Variants in MYH1 observed in about 807,000 individuals in gnomAD.
The protein encoded by MYH1 is myosin-1.
MYH1 carries 214 observed loss-of-function variants against 225.6 expected under a neutral mutation model. That is an observed-to-expected ratio of 0.95 (90% CI 0.85 to 1.06). The LOEUF (loss-of-function observed/expected upper bound fraction) is 1.06. MYH1 is among the 50% of genes least tolerant of loss of function. MYH1 has a pLI of 0.00. For missense variants in MYH1, 2,098 were observed against 2,344.2 expected (o/e 0.89, Z 2.17); for synonymous variants, 774 against 842.3 (o/e 0.92, Z 1.40).
chr17:10,501,503 G>C lies in MYH1; in HGVS notation c.3349-4C>G, dbSNP rs1947898167. ...CCTCCAGCTCCTCAATGCGGGCCTG[G>C]GAATGGTGAAAAATATTAATACGAA... On this transcript the variant is annotated splice_polypyrimidine_tract_variant and splice_region_variant and intron_variant, in intron 26 of 39. Coordinates refer to ENST00000226207, the MANE Select transcript of MYH1 (RefSeq NM_005963.4). The C allele has an allele frequency of 6.2e-7, 1 of 1,614,192 alleles. No individual in the cohort carries two copies.
At chr17:10,501,983 C>A in intron 24 of MYH1, 72 bp from the exon 25 acceptor site, 1 of 1,419,196 alleles carries the variant, frequency 7.0e-7, no homozygotes, top group Non-Finnish European at 9.5e-7. Flanking sequence ...AATTTTTAAA[C>A]ATTATATCTA....
At position 10,501,844 on chromosome 17, in the gene MYH1, T is replaced by C. The variant is rs2073061521; in HGVS notation, c.3179A>G (p.Glu1060Gly). 1.9e-6 allele frequency: 3 copies of C among 1,613,508 alleles called. No homozygotes were observed. The highest frequency in any genetic ancestry group is 2.5e-6 in the Non-Finnish European group (3 of 1,179,572). Residue 1060 changes from glutamate to glycine, a missense_variant, in exon 25 of 40, where the codon GAG (glutamate) becomes GGG (glycine). By Grantham distance (98) the Glu-to-Gly change is moderately conservative (BLOSUM62 -2). Coordinates refer to ENST00000226207, the MANE Select transcript of MYH1 (RefSeq NM_005963.4). ...MDLERAKRKL[E>G]GDLKLAQEST... is the part of the protein sequence containing the mutation. Reference sequence around the variant, plus strand: ...TTCTTGAGCCAATTTTAGGTCTCCCTCTAGTTTTCTCTTTGCTCTTTCTAG... The same window carrying C: ...TTCTTGAGCCAATTTTAGGTCTCCCCCTAGTTTTCTCTTTGCTCTTTCTAG...
Position 10,496,426 on chromosome 17 carries a change from G to A in MYH1, c.4780C>T (p.His1594Tyr). The stretch of plus-strand genomic sequence containing the variant: ...TGCATGGACTCCACGATTCTAATGT[G>A]GTTTCTCTTCATCTGGTCAATTTCC... ...DEEIDQMKRN[H>Y]IRIVESMQST... Residue 1594 changes from histidine to tyrosine, a missense_variant, in exon 34 of 40, where the codon CAC (histidine) becomes TAC (tyrosine). Transcript: ENST00000226207. 1 of 1,613,922 alleles carries A rather than the reference G, an allele frequency of 6.2e-7. No homozygotes were observed. The highest frequency in any genetic ancestry group is 1.3e-5 in the African/African-American group (1 of 74,930).
chr17:10,494,335 C>T lies in MYH1; in HGVS notation c.5667+19G>A, dbSNP rs762125484. The stretch of plus-strand genomic sequence containing the variant: ...TGGTCATGTCTGAGAAAAATCACCC[C>T]AAGGGGTTGTGAACTCACCGCTTCT... On this transcript the variant is annotated intron_variant, in intron 39 of 39. Coordinates refer to ENST00000226207, the MANE Select transcript of MYH1 (RefSeq NM_005963.4). 5.0e-6 allele frequency: 8 copies of T among 1,609,498 alleles called. No individual in the cohort carries two copies. In the African/African-American group the frequency reaches 9.4e-5, roughly 19 times the overall value.
At position 10,506,710 on chromosome 17, in the gene MYH1, C is replaced by T. The variant is rs140390521; in HGVS notation, c.1969-611G>A. 3.0e-3 allele frequency among the ~76,000 whole-genome samples: 455 copies of T among 152,266 alleles called. 2 individuals are homozygous for T. The highest frequency in any genetic ancestry group is 0.01 in the African/African-American group (429 of 41,538). On this transcript the variant is annotated intron_variant, in intron 17 of 39. Coordinates refer to ENST00000226207, the MANE Select transcript of MYH1 (RefSeq NM_005963.4). ...GTTTCACCATGTTGGCCAGGCTGGT[C>T]TCGAACTCCTGACCTCAAGTGATCC...
At chr17:10,494,333 C>A (rs376356418) in intron 39 of MYH1, 21 bp downstream of exon 39, 2 of 1,608,596 alleles carry the variant, frequency 1.2e-6, no homozygotes. Context: ...GAAAAATCAC[C>A]CCAAGGGGTT....
intron 6 of MYH1, among the ~76,000 whole-genome samples, chr17:10,514,525 G>C (rs1244815144): frequency 6.6e-6 from 1 of 152,138 alleles, no homozygotes; most frequent in Non-Finnish European, 1.5e-5. Flanking sequence ...TTCTCTAAGT[G>C]GGCCTTAAAA....
Position 10,500,643 on chromosome 17 carries a change from C to T in MYH1, c.3848G>A (p.Arg1283His), listed in dbSNP as rs749373460. 19 of 1,613,360 alleles carry T rather than the reference C, an allele frequency of 1.2e-5. No individual in the cohort carries two copies. The highest frequency in any genetic ancestry group is 1.1e-4 in the East Asian group (5 of 44,888). Residue 1283 changes from arginine (R) to histidine (H), a missense_variant, in exon 28 of 40, where the codon CGC (arginine) becomes CAC (histidine). By Grantham distance (29) the Arg-to-His change is conservative (BLOSUM62 0). Transcript: ENST00000226207. ...TGGCCCACCTGATTCTGTTTGCAGG[C>T]GCGCTCTCTGTGCTGTGAGGTCATT... Reference protein sequence around the residue: ...LINDLTAQRARLQTESGEYSR... With the variant: ...LINDLTAQRAHLQTESGEYSR...
rs2072965329 is a variant in MYH1, at chr17:10,494,373, T to C, written c.5648A>G (p.Lys1883Arg). 1.9e-6 allele frequency: 3 copies of C among 1,614,096 alleles called. No homozygotes were observed. Among genetic ancestry groups the C allele is most frequent in the Non-Finnish European group, 2.5e-6 (3 of 1,180,042 alleles). ...DKLQAKVKSY[K>R]RQAEEAEEQS... is the part of the protein sequence containing the mutation. The stretch of plus-strand genomic sequence containing the variant: ...ACTCACCGCTTCTTCAGCTTGTCTC[T>C]TGTAGGATTTCACCTTTGCTTGCAG... The change falls in exon 39 of 40, where the codon AAG (lysine) becomes AGG (arginine). Residue 1883 changes from lysine (K) to arginine (R), a missense_variant. Physicochemically the swap from Lys to Arg is conservative, Grantham distance 26. Transcript: ENST00000226207.
intron 30 of MYH1, 36 bp from the exon 31 acceptor site, chr17:10,497,953 A>C (rs951676291): frequency 7.7e-6 from 12 of 1,561,432 alleles, no homozygotes; most frequent in Non-Finnish European, 1.0e-5. Context: ...AATGGCTGTC[A>C]ACTGAATTGG....
chr17:10,513,731 T>A (rs2073195753), intron 8 of MYH1, 42 bp from the exon 9 acceptor site: 5 of 1,612,884 alleles, frequency 3.1e-6, no homozygotes, highest in Non-Finnish European at 4.2e-6. Context: ...AAGCTTGAAG[T>A]ACGTAGTGGG....
At chr17:10,505,584 C>A in intron 19 of MYH1, 73 bp from the exon 20 acceptor site, 2 of 1,545,476 alleles carry the variant, frequency 1.3e-6, no homozygotes, top group Non-Finnish European at 1.8e-6. Flanking sequence ...GCTATAGAAA[C>A]AACATAGCCA....
chr17:10,497,829 T>C lies in MYH1; in HGVS notation c.4270A>G (p.Arg1424Gly). Residue 1424 changes from arginine (R) to glycine (G), a missense_variant, in exon 31 of 40, where the codon AGG becomes GGG. Transcript: ENST00000226207. ...KCASLEKTKQ[R>G]LQNEVEDLMI... ...AGGTCCTCAACTTCATTCTGGAGCC[T>C]CTGCTTCGTCTTCTCAAGGGAAGCA... 1 of 1,614,094 alleles carries C rather than the reference T, an allele frequency of 6.2e-7. No individual in the cohort carries two copies. The highest frequency in any genetic ancestry group is 8.5e-7 in the Non-Finnish European group (1 of 1,180,000).
chr17:10,508,435 C>T lies in MYH1; in HGVS notation c.1825G>A (p.Val609Met), dbSNP rs759021922. 1.7e-5 allele frequency: 28 copies of T among 1,614,088 alleles called. No individual in the cohort carries two copies. The highest frequency in any genetic ancestry group is 1.6e-4 in the Middle Eastern group (1 of 6,084). ...KNKDPLNETV[V>M]GLYQKSAMKT... ...ATTGCAGACTTCTGGTACAGCCCCACCACAGTCTCATTCAGGGGGTCCTTG... is the reference window on the plus strand; with the variant it reads ...ATTGCAGACTTCTGGTACAGCCCCATCACAGTCTCATTCAGGGGGTCCTTG... Residue 609 changes from valine to methionine, a missense_variant, in exon 16 of 40, where the codon GTG becomes ATG. Transcript: ENST00000226207.
chr17:10,499,745 T>G (rs1213955310), intron 28 of MYH1, among the ~76,000 whole-genome samples: 1 of 152,224 alleles, frequency 6.6e-6, no homozygotes, highest in Admixed American at 6.5e-5. Flanking sequence ...CTAGTTATCT[T>G]GAACTTTATC....
chr17:10,501,807 A>G lies in MYH1; in HGVS notation c.3216T>C (p.Asp1072=). The change falls in exon 25 of 40, where the codon GAT becomes GAC. Residue 1072 remains aspartate, a synonymous_variant. Transcript: ENST00000226207. ...CAAGTTGTTGTTTGTCATTTTCTAT[A>G]TCCATTGTGGATTCTTGAGCCAATT... ...DLKLAQESTM[D]IENDKQQLDE... is the part of the protein sequence containing the mutation. 1 of 1,613,724 alleles carries G rather than the reference A, an allele frequency of 6.2e-7. No individual in the cohort carries two copies. Among genetic ancestry groups the G allele is most frequent in the Non-Finnish European group, 8.5e-7 (1 of 1,179,790 alleles).
chr17:10,505,965 C>T, intron 18 of MYH1, 36 bp from the exon 19 acceptor site: 3 of 1,614,120 alleles, frequency 1.9e-6, no homozygotes, highest in South Asian at 1.1e-5. Flanking sequence ...ACTTCGTGGT[C>T]TATCACACAC....
chr17:10,501,727 G>GT (rs1567717676), intron 25 of MYH1, 39 bp downstream of exon 25: 1 of 1,613,938 alleles, frequency 6.2e-7, no homozygotes, highest in East Asian at 2.2e-5. Flanking sequence ...AATATTAAGA[G>GT]TAATTTCCCC....
At position 10,516,126 on chromosome 17, in the gene MYH1, A is replaced by C. The variant is rs747187466; in HGVS notation, c.349-44T>G. On this transcript the variant is annotated intron_variant, in intron 4 of 39. Coordinates refer to ENST00000226207, the MANE Select transcript of MYH1 (RefSeq NM_005963.4). ...GGAGGAACAGAATTATTTGATGGGG[A>C]CCTTAATCATCTACTACTTTTCAAA... 16 of 1,613,118 alleles carry C rather than the reference A, an allele frequency of 9.9e-6. No homozygotes were observed. The Admixed American group carries it at 2.7e-4, about 27-fold the overall frequency.
Sources: allele counts gnomAD v4.1 joint callset (sites outside exome capture counted in the v4.1 genomes callset), GRCh38; gene constraint gnomAD v4.1.1; transcripts MANE v1.5; gene names NCBI Gene and HGNC (gene_info 2026-07-23, HGNC 2026-07-21).